BAZ2B: variants seen among roughly 807,000 people sequenced by gnomAD.
BAZ2B encodes bromodomain adjacent to zinc finger domain 2B, also known as bromodomain adjacent to zinc finger domain protein 2B.
Under a neutral mutation model 246.0 loss-of-function variants are expected in BAZ2B, and 91 were observed. That is an observed-to-expected ratio of 0.37 (90% CI 0.31 to 0.44). BAZ2B has a LOEUF of 0.44. BAZ2B is among the 20% of genes least tolerant of loss of function. The pLI is 1.00. For missense variants in BAZ2B, 2,332 were observed against 2,533.7 expected (o/e 0.92, Z 1.71); for synonymous variants, 855 against 860.0 (o/e 0.99, Z 0.10).
In BAZ2B at chr2:159,382,921, T is replaced by C. The variant is rs146964360; in HGVS notation, c.3762-119A>G. On this transcript the variant is annotated intron_variant, in intron 24 of 36. Coordinates refer to ENST00000392783, the MANE Select transcript of BAZ2B (RefSeq NM_013450.4). ...ATGGCATTTCTTTTGTGTTAAGCGA[T>C]ATACCAATGTTAAAAAAAATTAGAA... is the stretch of plus-strand genomic sequence containing the variant. 149 of 1,301,382 alleles carry C rather than the reference T, an allele frequency of 1.1e-4. No homozygotes were observed. The African/African-American group carries it at 1.9e-3, about 17-fold the overall frequency. 80.6% of individuals were successfully genotyped at this position (1,301,382 alleles called of 1,614,324 possible).
intron 35 of BAZ2B, among the ~76,000 whole-genome samples, 160 bp from the exon 36 acceptor site, chr2:159,325,114 ATTTTATATATATATATATATATAT>A (rs2063464854): frequency 3.9e-4 from 3 of 7,736 alleles, no homozygotes; most frequent in African/African-American, 1.4e-3. Context: ...ATATATATAT[ATTTTATATATATATATATATATAT>A]ATATATATAT....
At chr2:159,627,797 T>C in the BAZ2B span, among the ~76,000 whole-genome samples, 6 of 152,068 alleles carry the variant, frequency 3.9e-5, no homozygotes, top group African/African-American at 1.4e-4. Flanking sequence ...CTGTTCAACA[T>C]AGTATTGGAA....
intron 2 of BAZ2B, among the ~76,000 whole-genome samples, chr2:159,519,481 C>T (rs375307342): frequency 1.3e-5 from 2 of 150,106 alleles, no homozygotes; most frequent in African/African-American, 4.9e-5. Flanking sequence ...CCACCCGCCT[C>T]GGCCTCCCAA....
At chr2:159,338,581 T>A (rs971724153) in intron 31 of BAZ2B, among the ~76,000 whole-genome samples, 1 of 152,150 alleles carries the variant, frequency 6.6e-6, no homozygotes, top group African/African-American at 2.4e-5. Context: ...CTTCAAAGAT[T>A]TCCTATTCTT....
At chr2:159,442,849 T>G (rs976151923) in intron 6 of BAZ2B, among the ~76,000 whole-genome samples, 5 of 152,226 alleles carry the variant, frequency 3.3e-5, no homozygotes, top group Non-Finnish European at 7.3e-5. Context: ...ATTTCCTTCC[T>G]TTTTAAAGCT....
At chr2:159,672,836 C>T in the BAZ2B span, among the ~76,000 whole-genome samples, 3 of 152,132 alleles carry the variant, frequency 2.0e-5, no homozygotes, top group African/African-American at 7.2e-5. Context: ...TGGATCAATT[C>T]TGCACACCAA....
chr2:159,687,007 G>A, the BAZ2B span, among the ~76,000 whole-genome samples: 25 of 128,850 alleles, frequency 1.9e-4, 1 homozygote, highest in Admixed American at 1.2e-3. Context: ...GCGCCACTAC[G>A]CTCCAGCCTG....
At chr2:159,417,815 A>C (rs1486692932) in intron 13 of BAZ2B, among the ~76,000 whole-genome samples, 1 of 152,230 alleles carries the variant, frequency 6.6e-6, no homozygotes, top group Non-Finnish European at 1.5e-5. Context: ...CCTCAGGCTC[A>C]GTCAATTCTA....
At chr2:159,547,427 T>C (rs183861576) in intron 2 of BAZ2B, among the ~76,000 whole-genome samples, 107 of 152,304 alleles carry the variant, frequency 7.0e-4, no homozygotes, top group African/African-American at 2.5e-3. Flanking sequence ...TCTGTGTATA[T>C]TTATATAAAA....
chr2:159,403,081 G>T (rs1482561769), intron 16 of BAZ2B, among the ~76,000 whole-genome samples: 1 of 152,064 alleles, frequency 6.6e-6, no homozygotes, highest in Non-Finnish European at 1.5e-5. Context: ...CCAGAAAATT[G>T]TCTTAAGGAC....
intron 2 of BAZ2B, 113 bp from the exon 3 acceptor site, chr2:159,478,834 T>A: frequency 1.3e-6 from 1 of 767,928 alleles, no homozygotes; most frequent in Non-Finnish European, 1.8e-6. Context: ...TCTAAATACA[T>A]GTTCTTTGGA....
At chr2:159,500,125 T>G (rs2081557411) in intron 2 of BAZ2B, among the ~76,000 whole-genome samples, 1 of 152,194 alleles carries the variant, frequency 6.6e-6, no homozygotes, top group African/African-American at 2.4e-5. Flanking sequence ...TACCTAGATT[T>G]TCTTCTAGGG....
upstream of BAZ2B, chr2:159,616,819 T>C (rs540543021): frequency 6.6e-6 from 1 of 152,268 alleles, no homozygotes; most frequent in South Asian, 2.1e-4. Flanking sequence ...GAAAACGGGA[T>C]TTAAAACTTA....
intron 1 of BAZ2B, among the ~76,000 whole-genome samples, chr2:159,590,222 A>C (rs1355549229): frequency 1.3e-4 from 14 of 103,890 alleles, no homozygotes; most frequent in South Asian, 3.1e-4. Flanking sequence ...AAAAAAAAAA[A>C]AAAAAAAAAC....
the BAZ2B span, among the ~76,000 whole-genome samples, chr2:159,678,028 A>C: frequency 2.0e-5 from 3 of 152,216 alleles, no homozygotes; most frequent in Non-Finnish European, 4.4e-5. Context: ...GAGAAATACT[A>C]TTATGTTACC....
At chr2:159,578,826 T>C (rs1686004986) in intron 1 of BAZ2B, among the ~76,000 whole-genome samples, 1 of 152,152 alleles carries the variant, frequency 6.6e-6, no homozygotes, top group East Asian at 1.9e-4. Context: ...CAATGACTAC[T>C]GGGTACATAA....
rs115353943 is a variant in BAZ2B, at chr2:159,336,422, G to A, written c.5796+520C>T. 2.0e-3 allele frequency among the ~76,000 whole-genome samples: 299 copies of A among 152,314 alleles called. 1 individual carries two copies. The highest frequency in any genetic ancestry group is 6.8e-3 in the African/African-American group (283 of 41,574). ...GAAGGTGGAAAACCAATTTTAATTA[G>A]TAGAAGACAGACTAAAGGATCTACT... On this transcript the variant is annotated intron_variant, in intron 33 of 36. Transcript: ENST00000392783.
chr2:159,442,210 A>G (rs764242154), intron 6 of BAZ2B, among the ~76,000 whole-genome samples: 3 of 152,196 alleles, frequency 2.0e-5, no homozygotes, highest in Non-Finnish European at 4.4e-5. Context: ...CCTAAGGGAG[A>G]GCAAGAGCCA....
At chr2:159,442,399 T>G (rs1413489168) in intron 6 of BAZ2B, among the ~76,000 whole-genome samples, 1 of 152,168 alleles carries the variant, frequency 6.6e-6, no homozygotes, top group Non-Finnish European at 1.5e-5. Flanking sequence ...GGAGGTCAGA[T>G]CACACAGCTC....
Sources: allele counts gnomAD v4.1 joint callset (sites outside exome capture counted in the v4.1 genomes callset), GRCh38; gene constraint gnomAD v4.1.1; transcripts MANE v1.5; gene names NCBI Gene and HGNC (gene_info 2026-07-23, HGNC 2026-07-21).